The following AGBL4 variants were observed in gnomAD, a reference collection of about 807,000 sequenced individuals.
AGBL4 encodes AGBL carboxypeptidase 4, also known as cytosolic carboxypeptidase 6.
A neutral mutation model predicts 66.4 loss-of-function variants in AGBL4; 58 were observed. The ratio of observed to expected loss-of-function variants is 0.87; its 90% CI spans 0.71 to 1.09. The LOEUF (loss-of-function observed/expected upper bound fraction) is 1.09. Ranked by LOEUF, AGBL4 falls within the 50% of genes least tolerant of loss-of-function variation. The pLI is 0.00. For missense variants in AGBL4, 579 were observed against 631.0 expected (o/e 0.92, Z 0.88); for synonymous variants, 234 against 222.9 (o/e 1.05, Z -0.44).
intron 3 of AGBL4, among the ~76,000 whole-genome samples, chr1:49,364,351 A>C (rs1644201383): frequency 6.6e-6 from 1 of 152,208 alleles, no homozygotes; most frequent in South Asian, 2.1e-4. Flanking sequence ...ATGAGGTCCC[A>C]TAATCTCTCT....
At chr1:48,934,364 G>A (rs1276014935) in intron 5 of AGBL4, among the ~76,000 whole-genome samples, 6 of 152,134 alleles carry the variant, frequency 3.9e-5, no homozygotes, top group African/African-American at 4.8e-5. Context: ...ACATGTCTCA[G>A]TATGTATATC....
intron 9 of AGBL4, among the ~76,000 whole-genome samples, chr1:48,617,282 T>C (rs776033966): frequency 6.6e-6 from 1 of 152,174 alleles, no homozygotes. Flanking sequence ...ATGAGACATT[T>C]TGTCATTTTT....
intron 4 of AGBL4, among the ~76,000 whole-genome samples, chr1:49,216,407 C>G (rs1415493992): frequency 2.6e-5 from 4 of 152,056 alleles, no homozygotes; most frequent in African/African-American, 9.7e-5. Context: ...CTTTCCCTAC[C>G]CTCCTTCCCC....
intron 3 of AGBL4, among the ~76,000 whole-genome samples, chr1:49,508,827 C>T (rs1234043441): frequency 1.3e-5 from 2 of 151,884 alleles, no homozygotes; most frequent in Non-Finnish European, 2.9e-5. Flanking sequence ...CTTCTTTTCT[C>T]CTGACTGTGG....
At chr1:48,600,480 G>T (rs1454524142) in intron 9 of AGBL4, among the ~76,000 whole-genome samples, 1 of 152,168 alleles carries the variant, frequency 6.6e-6, no homozygotes, top group Non-Finnish European at 1.5e-5. Context: ...GTGGTAACTG[G>T]CAGAGCCCAA....
intron 4 of AGBL4, among the ~76,000 whole-genome samples, chr1:49,092,175 A>C (rs927943730): frequency 6.6e-6 from 1 of 152,168 alleles, no homozygotes; most frequent in Admixed American, 6.6e-5. Context: ...CTGCAACTAT[A>C]ATAAAAGTTA....
chr1:49,078,557 C>T (rs572647837), intron 4 of AGBL4, among the ~76,000 whole-genome samples: 5 of 152,236 alleles, frequency 3.3e-5, no homozygotes, highest in East Asian at 1.9e-4. Context: ...GATACACTCT[C>T]GGAAATATAT....
chr1:49,672,342 G>A (rs919007266), intron 3 of AGBL4, among the ~76,000 whole-genome samples: 1 of 151,990 alleles, frequency 6.6e-6, no homozygotes, highest in Non-Finnish European at 1.5e-5. Context: ...GTCTACTTGA[G>A]GGGGGAGGGT....
intron 1 of AGBL4, chr1:49,995,759 A>C (rs529911519): frequency 6.4e-6 from 1 of 155,736 alleles, no homozygotes; most frequent in East Asian, 1.9e-4. Context: ...TGCTAAATAA[A>C]AATACAACCA....
At chr1:49,383,888 C>T (rs1026602359) in intron 3 of AGBL4, among the ~76,000 whole-genome samples, 6 of 151,940 alleles carry the variant, frequency 3.9e-5, no homozygotes, top group African/African-American at 1.5e-4. Flanking sequence ...CCGCCGCCTC[C>T]CAGATTCAGG....
intron 5 of AGBL4, among the ~76,000 whole-genome samples, chr1:49,026,209 G>T (rs1449523650): frequency 6.6e-6 from 1 of 152,164 alleles, no homozygotes; most frequent in Non-Finnish European, 1.5e-5. Flanking sequence ...TGTATGTACA[G>T]AGTCCACTGC....
intron 3 of AGBL4, among the ~76,000 whole-genome samples, chr1:49,610,127 G>A (rs1417317512): frequency 2.6e-5 from 4 of 152,080 alleles, no homozygotes; most frequent in African/African-American, 7.2e-5. Context: ...AGTGAAGTGT[G>A]CCCAGTACTT....
chr1:48,672,134 G>C (rs1282364742), intron 6 of AGBL4, among the ~76,000 whole-genome samples: 7 of 152,182 alleles, frequency 4.6e-5, no homozygotes, highest in Non-Finnish European at 1.0e-4. Context: ...CTAAACAGTT[G>C]GCTTTGACAA....
rs993314698 is a variant in AGBL4, at chr1:49,563,623, A to C, written c.282+133690T>G. On this transcript the variant is annotated intron_variant, in intron 3 of 13. Transcript: ENST00000371839. ...TGCTGGATTACATTTATTGATTTTC[A>C]TATGTTGAACCAGCCTTGCATCCCA... 4.1e-4 allele frequency among the ~76,000 whole-genome samples: 62 copies of C among 151,212 alleles called. 1 individual carries two copies. Among genetic ancestry groups the C allele is most frequent in the Non-Finnish European group, 7.4e-4 (50 of 67,822 alleles).
chr1:48,892,081 A>G (rs533007036), intron 5 of AGBL4, among the ~76,000 whole-genome samples: 1 of 150,416 alleles, frequency 6.6e-6, no homozygotes, highest in Admixed American at 6.6e-5. Flanking sequence ...GTGCAGAGGC[A>G]TGCTCTCTCC....
At chr1:49,741,428 A>C (rs1265066242) in intron 2 of AGBL4, among the ~76,000 whole-genome samples, 2 of 152,214 alleles carry the variant, frequency 1.3e-5, no homozygotes, top group South Asian at 2.1e-4. Flanking sequence ...CAACCAAAAA[A>C]AGGCCAACAG....
intron 2 of AGBL4, among the ~76,000 whole-genome samples, chr1:49,736,123 A>C (rs1389628472): frequency 6.6e-6 from 1 of 152,178 alleles, no homozygotes; most frequent in East Asian, 1.9e-4. Context: ...AAGAATATTT[A>C]ACGAAATACT....
intron 6 of AGBL4, among the ~76,000 whole-genome samples, chr1:48,795,933 C>G (rs192975091): frequency 6.6e-6 from 1 of 152,322 alleles, no homozygotes; most frequent in Non-Finnish European, 1.5e-5. Flanking sequence ...GGATTACAGG[C>G]GTGAGCCACT....
At chr1:49,905,560 A>G (rs1650191106) in intron 1 of AGBL4, among the ~76,000 whole-genome samples, 1 of 152,162 alleles carries the variant, frequency 6.6e-6, no homozygotes. Context: ...ATACCTAAAT[A>G]TTTGGGGGCA....
Sources: allele counts gnomAD v4.1 joint callset (sites outside exome capture counted in the v4.1 genomes callset), GRCh38; gene constraint gnomAD v4.1.1; transcripts MANE v1.5; gene names NCBI Gene and HGNC (gene_info 2026-07-23, HGNC 2026-07-21).